The following SPAG16 variants were observed in gnomAD, a reference collection of about 807,000 sequenced individuals.
SPAG16 encodes the protein sperm-associated antigen 16 protein.
Under a neutral mutation model 80.4 loss-of-function variants are expected in SPAG16, and 86 were observed. The observed-to-expected ratio is 1.07, with a 90% CI of 0.90 to 1.28. The LOEUF is 1.28. SPAG16 is among the 50% of genes most tolerant of loss of function. SPAG16 has a pLI of 0.00. For synonymous variants in SPAG16, 294 were observed against 265.9 expected, an observed-to-expected ratio of 1.11 and a Z score of -1.03; for missense variants, 870 against 765.3, an observed-to-expected ratio of 1.14 and a Z score of -1.61.
chr2:214,019,024 T>C (rs1254766591), intron 13 of SPAG16, among the ~76,000 whole-genome samples: 6 of 152,098 alleles, frequency 3.9e-5, no homozygotes, highest in Admixed American at 1.3e-4. Flanking sequence ...GTTTGGAAAC[T>C]CATGAAATTG....
At chr2:214,389,295 A>G (rs1370760664) in intron 15 of SPAG16, among the ~76,000 whole-genome samples, 1 of 152,238 alleles carries the variant, frequency 6.6e-6, no homozygotes, top group East Asian at 1.9e-4. Flanking sequence ...GTTTTTCAAA[A>G]TAACTAGTTC....
At chr2:214,084,660 T>C (rs536996189) in intron 13 of SPAG16, among the ~76,000 whole-genome samples, 1 of 152,294 alleles carries the variant, frequency 6.6e-6, no homozygotes, top group South Asian at 2.1e-4. Context: ...ATTACTGACC[T>C]AGGCTCTAAC....
At position 213,311,123 on chromosome 2, in the gene SPAG16, G is replaced by T. The variant is rs78119775; in HGVS notation, c.398+946G>T. On this transcript the variant is annotated intron_variant, in intron 4 of 15. Coordinates refer to ENST00000331683, the MANE Select transcript of SPAG16 (RefSeq NM_024532.5). ...GTAATGTTAATAAATTCTATGAGGA[G>T]AATTATTTTTCATTAATACAGTCTA... 6.6e-3 allele frequency among the ~76,000 whole-genome samples: 994 copies of T among 151,514 alleles called. 47 individuals carry two copies. In the East Asian group the frequency reaches 0.077, roughly 12 times the overall value.
At chr2:213,331,754 A>G (rs1489838576) in intron 5 of SPAG16, among the ~76,000 whole-genome samples, 1 of 152,212 alleles carries the variant, frequency 6.6e-6, no homozygotes, top group Non-Finnish European at 1.5e-5. Flanking sequence ...GAACATGTAG[A>G]AATTTAACAG....
At chr2:214,237,259 G>T (rs923439113) in intron 15 of SPAG16, among the ~76,000 whole-genome samples, 5 of 151,918 alleles carry the variant, frequency 3.3e-5, no homozygotes, top group Non-Finnish European at 7.4e-5. Context: ...TTTGGGATGT[G>T]TTCCACAAGA....
chr2:213,631,783 G>A (rs1426506539), intron 10 of SPAG16, among the ~76,000 whole-genome samples: 3 of 152,070 alleles, frequency 2.0e-5, no homozygotes, highest in Admixed American at 6.6e-5. Context: ...TGTCAAAATC[G>A]ACTTCACTAT....
intron 11 of SPAG16, among the ~76,000 whole-genome samples, chr2:213,885,733 A>G (rs1486831616): frequency 1.3e-5 from 2 of 152,200 alleles, no homozygotes; most frequent in Non-Finnish European, 2.9e-5. Context: ...ATCATTTACA[A>G]CGTTTCACAA....
chr2:214,366,974 G>A (rs955325738), intron 15 of SPAG16, among the ~76,000 whole-genome samples: 3 of 152,112 alleles, frequency 2.0e-5, no homozygotes, highest in African/African-American at 7.2e-5. Flanking sequence ...ATTACACAGA[G>A]GTGGTAAGGA....
chr2:214,105,553 C>A (rs1054244801), intron 13 of SPAG16, among the ~76,000 whole-genome samples: 1 of 152,126 alleles, frequency 6.6e-6, no homozygotes, highest in Non-Finnish European at 1.5e-5. Flanking sequence ...CCATTTCTAC[C>A]CCCAGGGTCA....
At chr2:213,549,984 A>AT (rs940691877) in intron 10 of SPAG16, among the ~76,000 whole-genome samples, 13 of 152,072 alleles carry the variant, frequency 8.5e-5, no homozygotes, top group African/African-American at 2.9e-4. Context: ...AAACCTTATT[A>AT]TGCCACTTAG....
chr2:213,456,440 G>A (rs1381512311), intron 9 of SPAG16, among the ~76,000 whole-genome samples: 1 of 152,204 alleles, frequency 6.6e-6, no homozygotes, highest in Non-Finnish European at 1.5e-5. Flanking sequence ...GCAGAAGGAA[G>A]AAGCATATGT....
At chr2:213,600,885 A>G (rs1158367927) in intron 10 of SPAG16, among the ~76,000 whole-genome samples, 1 of 152,250 alleles carries the variant, frequency 6.6e-6, no homozygotes, top group Admixed American at 6.5e-5. Flanking sequence ...AATTGATAAA[A>G]GGCAAATTAG....
chr2:213,931,171 A>G (rs2078735432), intron 12 of SPAG16, among the ~76,000 whole-genome samples: 1 of 152,174 alleles, frequency 6.6e-6, no homozygotes, highest in Non-Finnish European at 1.5e-5. Flanking sequence ...TATTATTGTT[A>G]CAATGATAGG....
chr2:214,218,416 C>T (rs537859754), intron 15 of SPAG16, among the ~76,000 whole-genome samples: 7 of 152,210 alleles, frequency 4.6e-5, no homozygotes, highest in South Asian at 2.1e-4. Context: ...GAAAACTTGA[C>T]GGAAAAATAC....
At chr2:213,997,594 T>C (rs1025029201) in intron 12 of SPAG16, among the ~76,000 whole-genome samples, 1 of 152,188 alleles carries the variant, frequency 6.6e-6, no homozygotes, top group African/African-American at 2.4e-5. Flanking sequence ...TAACAGTGAA[T>C]TATATCCTCA....
At chr2:213,374,537 T>C (rs909727468) in intron 8 of SPAG16, among the ~76,000 whole-genome samples, 1 of 152,116 alleles carries the variant, frequency 6.6e-6, no homozygotes, top group Admixed American at 6.6e-5. Flanking sequence ...AGGAGACCAA[T>C]GTTACAACTA....
At position 213,783,317 on chromosome 2, in the gene SPAG16, T is replaced by TA. The variant is rs11362970; in HGVS notation, c.1071-79151dup. ...ATGTACCCTAAAACTTAGAGTATAA[T>TA]AAAAAAAAAAAAAAAAATCTTAATG... On this transcript the variant is annotated intron_variant, in intron 10 of 15. Transcript: ENST00000331683. Among the ~76,000 whole-genome samples, 1,363 of 146,000 alleles carry TA rather than the reference T, an allele frequency of 9.3e-3. 28 individuals are homozygous for TA. The highest frequency in any genetic ancestry group is 0.033 in the African/African-American group (1,293 of 39,640).
chr2:214,099,257 A>T (rs1476659694), intron 13 of SPAG16, among the ~76,000 whole-genome samples: 1 of 152,120 alleles, frequency 6.6e-6, no homozygotes, highest in Non-Finnish European at 1.5e-5. Context: ...ATTAATAGGT[A>T]TAACAAGGAA....
intron 11 of SPAG16, among the ~76,000 whole-genome samples, chr2:213,876,521 C>G (rs188840166): frequency 1.5e-3 from 228 of 152,216 alleles, no homozygotes; most frequent in African/African-American, 5.4e-3. Context: ...AGAGATTACA[C>G]CAGTACCTGA....
Sources: allele counts gnomAD v4.1 joint callset (sites outside exome capture counted in the v4.1 genomes callset), GRCh38; gene constraint gnomAD v4.1.1; transcripts MANE v1.5; gene names NCBI Gene and HGNC (gene_info 2026-07-23, HGNC 2026-07-21).